The following BMP6 variants were observed in gnomAD, a reference collection of about 807,000 sequenced individuals.
The protein encoded by BMP6 is bone morphogenetic protein 6, also known as VG-1-R.
BMP6 carries 17 observed loss-of-function variants against 54.1 expected under a neutral mutation model. The observed-to-expected ratio is 0.31, with a 90% CI of 0.22 to 0.47. The LOEUF is 0.47. BMP6 is among the 20% of genes least tolerant of loss of function. BMP6 has a pLI of 1.00. For synonymous variants in BMP6, 328 were observed against 291.2 expected (o/e 1.13, Z -1.28); for missense variants, 720 against 690.4 (o/e 1.04, Z -0.48).
Position 7,800,121 on chromosome 6 carries a change from TGA to T in BMP6, c.665-45018_665-45017del, listed in dbSNP as rs1055750953. On this transcript the variant is annotated intron_variant, in intron 1 of 6. Coordinates refer to ENST00000283147, the MANE Select transcript of BMP6 (RefSeq NM_001718.6). ...GTGTGTGTGTGTGTGTGTGTGTGTGTGATCTAAAAGAAGCCACCCTGGCATAT... is the reference window on the plus strand; with the variant it reads ...GTGTGTGTGTGTGTGTGTGTGTGTGTTCTAAAAGAAGCCACCCTGGCATAT... 2.1e-5 allele frequency among the ~76,000 whole-genome samples: 3 copies of T among 142,304 alleles called. No individual in the cohort carries two copies. In the South Asian group the frequency reaches 6.8e-4, roughly 32 times the overall value. The allele number at this position is 142,304 out of a possible 152,430, so 93.4% of individuals were successfully genotyped here.
chr6:7,766,603 G>A (rs925018777), intron 1 of BMP6, among the ~76,000 whole-genome samples: 2 of 152,184 alleles, frequency 1.3e-5, no homozygotes, highest in African/African-American at 4.8e-5. Context: ...GGGCATCAGA[G>A]TGAGATCTTG....
At chr6:7,786,995 A>G (rs960237173) in intron 1 of BMP6, among the ~76,000 whole-genome samples, 7 of 152,138 alleles carry the variant, frequency 4.6e-5, no homozygotes, top group Non-Finnish European at 8.8e-5. Context: ...CTTCTTTCTC[A>G]TGATCCTTTT....
At chr6:7,736,119 T>G (rs1487093119) in intron 1 of BMP6, among the ~76,000 whole-genome samples, 1 of 152,224 alleles carries the variant, frequency 6.6e-6, no homozygotes, top group East Asian at 1.9e-4. Flanking sequence ...ATCAGAAATC[T>G]TTCTTTTTTC....
intron 1 of BMP6, among the ~76,000 whole-genome samples, chr6:7,834,185 CTTTTT>C (rs34020369): frequency 2.8e-5 from 3 of 107,622 alleles, no homozygotes; most frequent in African/African-American, 1.0e-4. Flanking sequence ...AGAACAAATG[CTTTTT>C]TTTTTTTTTT....
At chr6:7,868,335 G>A (rs1383041766) in intron 4 of BMP6, among the ~76,000 whole-genome samples, 1 of 152,068 alleles carries the variant, frequency 6.6e-6, no homozygotes, top group East Asian at 1.9e-4. Context: ...CCTATCAACT[G>A]TTAGGAGATT....
At chr6:7,879,854 C>A in intron 5 of BMP6, 137 bp from the exon 6 acceptor site, 2 of 900,770 alleles carry the variant, frequency 2.2e-6, no homozygotes, top group Non-Finnish European at 3.4e-6. Flanking sequence ...TGAACTTGGA[C>A]AAATTCCTAA....
intron 4 of BMP6, among the ~76,000 whole-genome samples, chr6:7,875,922 A>G (rs922717392): frequency 1.3e-5 from 2 of 152,172 alleles, no homozygotes; most frequent in Non-Finnish European, 2.9e-5. Flanking sequence ...TGGCTGCCGT[A>G]CTACCCATTC....
intron 4 of BMP6, among the ~76,000 whole-genome samples, chr6:7,867,122 T>C (rs1312928230): frequency 6.6e-6 from 1 of 152,204 alleles, no homozygotes; most frequent in Non-Finnish European, 1.5e-5. Flanking sequence ...TCCACTTGCC[T>C]CGGCCTCCCA....
At chr6:7,759,930 C>T (rs938218739) in intron 1 of BMP6, among the ~76,000 whole-genome samples, 2 of 151,856 alleles carry the variant, frequency 1.3e-5, no homozygotes, top group African/African-American at 4.8e-5. Flanking sequence ...TCTCAGAACT[C>T]CTGACCTCAG....
At chr6:7,845,466 G>A (rs547479031) in intron 2 of BMP6, 134 bp downstream of exon 2, 2 of 732,886 alleles carry the variant, frequency 2.7e-6, no homozygotes, top group South Asian at 3.2e-5. Flanking sequence ...GATGAGGTGG[G>A]TGTTGTAAAT....
chr6:7,862,606 A>G (rs1298616147), intron 4 of BMP6, 108 bp downstream of exon 4: 29 of 1,392,296 alleles, frequency 2.1e-5, no homozygotes, highest in African/African-American at 2.9e-5. Context: ...CAGCAAATCC[A>G]AAGGCAAATA....
intron 4 of BMP6, among the ~76,000 whole-genome samples, chr6:7,872,063 C>T (rs987367651): frequency 2.6e-5 from 4 of 152,116 alleles, no homozygotes; most frequent in Non-Finnish European, 5.9e-5. Flanking sequence ...TGGTTTGTCG[C>T]CTCTCTCTAG....
intron 1 of BMP6, among the ~76,000 whole-genome samples, chr6:7,822,400 G>T (rs1028993787): frequency 6.6e-6 from 1 of 152,148 alleles, no homozygotes; most frequent in African/African-American, 2.4e-5. Context: ...TGTCATCTTT[G>T]TGCAGTTGCC....
intron 4 of BMP6, among the ~76,000 whole-genome samples, chr6:7,872,085 C>G (rs1207214637): frequency 6.6e-6 from 1 of 152,128 alleles, no homozygotes; most frequent in Non-Finnish European, 1.5e-5. Context: ...TGTCTCACTT[C>G]CTTTCTCTGC....
chr6:7,862,448 G>A lies in BMP6; in HGVS notation c.1154G>A (p.Arg385His), dbSNP rs773300458. ...TCCAGCCGGCGCCGACAACAGAGTC[G>A]TAATCGCTCTACCCAGTCCCAGGAC... ...SASSRRRQQS[R>H]NRSTQSQDVA... is the part of the protein sequence containing the mutation. Residue 385 changes from arginine (R) to histidine (H), a missense_variant, in exon 4 of 7, where the codon CGT (arginine) becomes CAT (histidine). Physicochemically the swap from Arg to His is conservative, Grantham distance 29 (BLOSUM62 0). Coordinates refer to ENST00000283147, the MANE Select transcript of BMP6 (RefSeq NM_001718.6). 4.1e-5 allele frequency: 66 copies of A among 1,614,058 alleles called. No individual in the cohort carries two copies. The highest frequency in any genetic ancestry group is 1.6e-4 in the Middle Eastern group (1 of 6,076).
intron 2 of BMP6, among the ~76,000 whole-genome samples, chr6:7,859,310 C>T (rs1759298400): frequency 1.1e-5 from 1 of 94,184 alleles, no homozygotes; most frequent in Non-Finnish European, 2.3e-5. Context: ...CTGTGCTACC[C>T]TCACGCTTTG....
At chr6:7,863,548 C>G (rs941021851) in intron 4 of BMP6, among the ~76,000 whole-genome samples, 1 of 152,180 alleles carries the variant, frequency 6.6e-6, no homozygotes, top group African/African-American at 2.4e-5. Flanking sequence ...GTTGCGTCCT[C>G]CAACCTGAAG....
rs192033297 is a variant in BMP6 at position 7,838,490 on chromosome 6, A to G, written c.665-6650A>G. ...GTAAATATATGAAAGCAACCCTCTAAACTTTCTCATTAGGTCCAATGCTTT... is the reference window on the plus strand; with the variant it reads ...GTAAATATATGAAAGCAACCCTCTAGACTTTCTCATTAGGTCCAATGCTTT... On this transcript the variant is annotated intron_variant, in intron 1 of 6. Coordinates refer to ENST00000283147, the MANE Select transcript of BMP6 (RefSeq NM_001718.6). 1.4e-4 allele frequency among the ~76,000 whole-genome samples: 21 copies of G among 152,218 alleles called. No homozygotes were observed. The East Asian group carries it at 4.1e-3, about 29-fold the overall frequency.
chr6:7,801,143 A>G (rs1758265487), intron 1 of BMP6, among the ~76,000 whole-genome samples: 2 of 152,212 alleles, frequency 1.3e-5, no homozygotes, highest in Admixed American at 6.5e-5. Flanking sequence ...GCACAAATGA[A>G]TAGTATTCGT....
Sources: gnomAD v4.1 joint callset for allele counts (sites outside exome capture counted in the v4.1 genomes callset) on GRCh38, gnomAD v4.1.1 for gene constraint, MANE v1.5 for transcripts, NCBI Gene and HGNC (gene_info 2026-07-23, HGNC 2026-07-21) for gene names.